MACF1: variants seen among roughly 807,000 people sequenced by gnomAD.
The protein encoded by MACF1 is microtubule-actin cross-linking factor 1.
Under a neutral mutation model 854.8 loss-of-function variants are expected in MACF1, and 193 were observed. The ratio of observed to expected loss-of-function variants is 0.23; its 90% CI spans 0.20 to 0.25. The LOEUF is 0.25. Ranked by LOEUF, MACF1 falls within the 10% of genes least tolerant of loss-of-function variation. The probability of loss-of-function intolerance (pLI) is 1.00; values close to 1 mark genes in which losing one functional copy is unlikely to be tolerated. For synonymous variants in MACF1, 3,185 were observed against 3,226.7 expected (o/e 0.99, Z 0.44); for missense variants, 7,722 against 8,929.1 (o/e 0.86, Z 5.45).
chr1:39,350,979 G>A lies in MACF1; in HGVS notation c.11160G>A (p.Glu3720=). The A allele has an allele frequency of 6.2e-7, 1 of 1,614,130 alleles. No homozygotes were observed. Among genetic ancestry groups the A allele is most frequent in the Non-Finnish European group, 8.5e-7 (1 of 1,179,990 alleles). ...EETRVAQKEL[E]EAVTSALQQE... The stretch of plus-strand genomic sequence containing the variant: ...CACGTGTGGCCCAGAAGGAACTGGA[G>A]GAAGCAGTGACCTCCGCCTTACAGC... The change falls in exon 43 of 101, where the codon GAG becomes GAA. Residue 3720 remains glutamate, a synonymous_variant. Coordinates refer to ENST00000564288, the MANE Select transcript of MACF1 (RefSeq NM_001394062.1).
At chr1:39,446,609 C>A (rs1644237130) in intron 80 of MACF1, among the ~76,000 whole-genome samples, 1 of 151,840 alleles carries the variant, frequency 6.6e-6, no homozygotes, top group African/African-American at 2.4e-5. Flanking sequence ...TGGTGTACAT[C>A]TTGGAGTTTT....
chr1:39,365,476 G>A (rs1349966491), intron 49 of MACF1, among the ~76,000 whole-genome samples: 1 of 152,124 alleles, frequency 6.6e-6, no homozygotes, highest in Non-Finnish European at 1.5e-5. Context: ...TCAGATTAGG[G>A]ATGTTCAACT....
chr1:39,423,904 A>G, intron 60 of MACF1, 124 bp from the exon 61 acceptor site: 1 of 777,882 alleles, frequency 1.3e-6, no homozygotes, highest in South Asian at 2.1e-5. Flanking sequence ...AAGGATGAAA[A>G]AAACTTCTTT....
rs532434696 is a variant in MACF1, at chr1:39,288,237, G to A, written c.1785+675G>A. Among the ~76,000 whole-genome samples the A allele has an allele frequency of 3.3e-5, 5 of 152,190 alleles. No individual in the cohort carries two copies. The East Asian group carries it at 7.7e-4, about 24-fold the overall frequency. The stretch of plus-strand genomic sequence containing the variant: ...CTGGGTGCCGGGTGCAGTGGCTCAC[G>A]CCTGTATTCCCAGCACTTTGGGAGG... On this transcript the variant is annotated intron_variant, in intron 15 of 100. Transcript: ENST00000564288.
chr1:39,393,029 T>C (rs1642095097), intron 58 of MACF1, among the ~76,000 whole-genome samples: 1 of 151,810 alleles, frequency 6.6e-6, no homozygotes, highest in Non-Finnish European at 1.5e-5. Context: ...GCAAATCTCT[T>C]CAGGAAATTC....
At chr1:39,293,001 A>G (rs1645826889) in intron 17 of MACF1, among the ~76,000 whole-genome samples, 158 bp downstream of exon 17, 1 of 152,218 alleles carries the variant, frequency 6.6e-6, no homozygotes. Context: ...ATCTATTATA[A>G]CATTTTCCCA....
rs144473798 is a variant in MACF1, at chr1:39,216,585, C to T, written c.109+11454C>T. On this transcript the variant is annotated intron_variant, in intron 1 of 100. Coordinates refer to ENST00000564288, the MANE Select transcript of MACF1 (RefSeq NM_001394062.1). The stretch of plus-strand genomic sequence containing the variant: ...TCTGATCAGTCTCCTGACTCCTAGG[C>T]TAGTGCTTGCAAGTATTTAGGTGCT... Among the ~76,000 whole-genome samples, 765 of 152,090 alleles carry T rather than the reference C, an allele frequency of 5.0e-3. 6 individuals carry two copies. Among genetic ancestry groups the T allele is most frequent in the African/African-American group, 0.018 (731 of 41,428 alleles).
chr1:39,349,312 G>A (rs900339708), intron 41 of MACF1, among the ~76,000 whole-genome samples, 166 bp from the exon 42 acceptor site: 2 of 152,186 alleles, frequency 1.3e-5, no homozygotes, highest in Non-Finnish European at 2.9e-5. Flanking sequence ...CTGTCCAAAT[G>A]AGGGGAGCTT....
rs1296995772 is a variant in MACF1 at position 39,331,405 on chromosome 1, C to T, written c.4817C>T (p.Pro1606Leu). 1.2e-5 allele frequency: 19 copies of T among 1,613,848 alleles called. No individual in the cohort carries two copies. The highest frequency in any genetic ancestry group is 1.6e-5 in the Non-Finnish European group (19 of 1,180,010). Residue 1606 changes from proline to leucine, a missense_variant, in exon 37 of 101, where the codon CCC (proline) becomes CTC (leucine). Physicochemically the swap from Pro to Leu is moderately conservative, Grantham distance 98. Around this residue, in one of 15 missense-constraint regions of MACF1, gnomAD observed 1,531 missense variants for 1,601.6 expected, o/e 0.96. Transcript: ENST00000564288. The stretch of plus-strand genomic sequence containing the variant: ...GGCATAGCCAGAAACCTCATTAATC[C>T]CCAGATGTACCAGCAGCTCCGGGAG... ...EEGIARNLIN[P>L]QMYQQLRELQ...
intron 2 of MACF1, among the ~76,000 whole-genome samples, chr1:39,151,926 TG>T (rs1423350881): frequency 6.6e-6 from 1 of 152,172 alleles, no homozygotes; most frequent in Non-Finnish European, 1.5e-5. Context: ...GTGGCAGTAC[TG>T]GGATCAGGAT....
chr1:39,282,085 T>C, intron 6 of MACF1, 123 bp from the exon 7 acceptor site: 1 of 826,708 alleles, frequency 1.2e-6, no homozygotes, highest in South Asian at 2.3e-5. Flanking sequence ...GTTGGAATAG[T>C]CCTCTAAAGT....
At chr1:39,153,975 AT>A (rs1264074001) in intron 2 of MACF1, among the ~76,000 whole-genome samples, 1 of 152,132 alleles carries the variant, frequency 6.6e-6, no homozygotes, top group African/African-American at 2.4e-5. Flanking sequence ...CACTGGAGAC[AT>A]TTTTGCTGTT....
chr1:39,410,565 T>G, intron 58 of MACF1: 1 of 1,614,044 alleles, frequency 6.2e-7, no homozygotes, highest in East Asian at 2.2e-5. Context: ...TAATATTTGA[T>G]GCACTAAAGC....
At chr1:39,297,006 C>T (rs1645933131) in intron 20 of MACF1, among the ~76,000 whole-genome samples, 1 of 151,958 alleles carries the variant, frequency 6.6e-6, no homozygotes, top group Admixed American at 6.5e-5. Flanking sequence ...TCACTGCAAA[C>T]TCCGCCTCCC....
intron 2 of MACF1, among the ~76,000 whole-genome samples, chr1:39,244,831 G>A (rs559962612): frequency 1.3e-5 from 2 of 152,008 alleles, no homozygotes; most frequent in South Asian, 2.1e-4. Context: ...CATCTGCCTC[G>A]GCTTCCCAAA....
At chr1:39,153,195 G>C (rs1430840499) in intron 2 of MACF1, among the ~76,000 whole-genome samples, 1 of 152,150 alleles carries the variant, frequency 6.6e-6, no homozygotes, top group African/African-American at 2.4e-5. Flanking sequence ...CCTTGTTCCA[G>C]TGGAAGGTGA....
chr1:39,462,864 A>G (rs1644583367), intron 93 of MACF1, among the ~76,000 whole-genome samples: 1 of 152,198 alleles, frequency 6.6e-6, no homozygotes, highest in Non-Finnish European at 1.5e-5. Context: ...TGTTGATAAC[A>G]GATCTTGGTA....
chr1:39,475,090 C>A (rs951362431), intron 97 of MACF1, among the ~76,000 whole-genome samples: 7 of 151,988 alleles, frequency 4.6e-5, no homozygotes, highest in Non-Finnish European at 8.8e-5. Flanking sequence ...TTCCTAGTCC[C>A]CAAGATGTGG....
At chr1:39,311,087 T>C in intron 26 of MACF1, 87 bp downstream of exon 26, 1 of 1,429,534 alleles carries the variant, frequency 7.0e-7, no homozygotes. Flanking sequence ...ACCTAAGAAA[T>C]GAGGCAATAG....
Sources: gnomAD v4.1 joint callset for allele counts (sites outside exome capture counted in the v4.1 genomes callset) on GRCh38, gnomAD v4.1.1 for gene constraint, gnomAD v4.1.1 regional missense constraint, MANE v1.5 for transcripts, NCBI Gene and HGNC (gene_info 2026-07-23, HGNC 2026-07-21) for gene names.